Variants in ACE observed in about 807,000 individuals in gnomAD.
ACE encodes angiotensin I converting enzyme.
ACE carries 122 observed loss-of-function variants against 162.3 expected under a neutral mutation model. That is an observed-to-expected ratio of 0.75 (90% CI 0.65 to 0.87). The LOEUF is 0.87. ACE is among the 40% of genes least tolerant of loss of function. The probability of loss-of-function intolerance (pLI) is 0.00; values close to 1 mark genes in which losing one functional copy is unlikely to be tolerated. For synonymous variants in ACE, 796 were observed against 720.6 expected, an observed-to-expected ratio of 1.10 and a Z score of -1.68; for missense variants, 1,799 against 1,735.1, an observed-to-expected ratio of 1.04 and a Z score of -0.65.
chr17:63,491,079 C>T lies in ACE; in HGVS notation c.2739+28C>T, dbSNP rs55917033. 2 of 1,613,048 alleles carry T rather than the reference C, an allele frequency of 1.2e-6. No individual in the cohort carries two copies. Among genetic ancestry groups the T allele is most frequent in the East Asian group, 4.5e-5 (2 of 44,860 alleles). ...CCGCACCAGCCCAGGGGCAGGGAGG[C>T]CCCGCCGGGATGGGAGGGACCCTCT... On this transcript the variant is annotated intron_variant, in intron 18 of 24. Transcript: ENST00000290866. The surrounding 1 kb of genome is among the most constrained non-coding windows in gnomAD (Gnocchi z 4.4).
rs1042056760 is a variant in ACE, at chr17:63,497,288, C to T, written c.3843C>T (p.Phe1281=). The change falls in exon 25 of 25, where the codon TTC becomes TTT. Residue 1281 remains phenylalanine (F), a synonymous_variant. Coordinates refer to ENST00000290866, the MANE Select transcript of ACE (RefSeq NM_000789.4). The part of the protein sequence containing the change: ...VATLGLSQRL[F]SIRHRSLHRH... ...CCCTGGGCCTCAGCCAGCGGCTCTT[C>T]AGCATCCGCCACCGCAGCCTCCACC... 6.4e-7 allele frequency: 1 copy of T among 1,553,644 alleles called. No homozygotes were observed. Among genetic ancestry groups the T allele is most frequent in the Admixed American group, 1.9e-5 (1 of 51,550 alleles).
intron 17 of ACE, 178 bp from the exon 18 acceptor site, chr17:63,490,776 G>A: frequency 1.5e-6 from 1 of 661,842 alleles, no homozygotes. Flanking sequence ...ATGACCTACT[G>A]GGCTGGATAT....
At chr17:63,496,161 T>A in intron 22 of ACE, 2 of 575,072 alleles carry the variant, frequency 3.5e-6, no homozygotes, top group Non-Finnish European at 6.2e-6. Flanking sequence ...TGGAGGCAGC[T>A]CTGTGGGTGG....
Position 63,484,728 on chromosome 17 carries a change from T to A in ACE, c.1921+187T>A, listed in dbSNP as rs552796783. ...GGACAGGCATGTCTTTCCCCCAGCA[T>A]CCTAGAGAGGGTGTGCTCAGACCTG... On this transcript the variant is annotated intron_variant, in intron 12 of 24. Transcript: ENST00000290866. This position sits in a 1 kb window ranked among gnomAD's most constrained non-coding sequence, Gnocchi z 4.0. The A allele has an allele frequency of 2.1e-5, 31 of 1,456,018 alleles. No homozygotes were observed. In the South Asian group the frequency reaches 4.0e-4, roughly 19 times the overall value. The allele number at this position is 1,456,018 out of a possible 1,614,324, so 90.2% of individuals were successfully genotyped here. A position where few individuals can be genotyped will look rare whatever the true frequency, so the allele number is the denominator to read the frequency against.
chr17:63,481,441 A>C, intron 6 of ACE, 125 bp from the exon 7 acceptor site: 2 of 1,089,114 alleles, frequency 1.8e-6, no homozygotes, highest in Non-Finnish European at 2.7e-6. Flanking sequence ...TGCCTCTGGG[A>C]ATGGTGGCCA....
intron 19 of ACE, among the ~76,000 whole-genome samples, chr17:63,493,088 G>A (rs917397839): frequency 2.6e-4 from 40 of 152,186 alleles, no homozygotes; most frequent in Non-Finnish European, 5.6e-4. Flanking sequence ...ATGTGTACAT[G>A]GGAACCCACT....
intron 7 of ACE, 42 bp downstream of exon 7, chr17:63,481,780 T>TG: frequency 1.9e-6 from 3 of 1,612,934 alleles, no homozygotes; most frequent in Non-Finnish European, 2.5e-6. Flanking sequence ...TCCCCGGTTC[T>TG]GGGGCCCGGG....
intron 8 of ACE, 57 bp downstream of exon 8, chr17:63,482,746 C>T (rs2147533974): frequency 6.5e-7 from 1 of 1,547,522 alleles, no homozygotes; most frequent in East Asian, 2.3e-5. Context: ...CTCCACCCCA[C>T]AGCAGGACCT....
intron 19 of ACE, among the ~76,000 whole-genome samples, chr17:63,492,348 G>T (rs1477724586): frequency 1.3e-5 from 2 of 152,342 alleles, no homozygotes; most frequent in Admixed American, 6.5e-5. Flanking sequence ...AGAGAAAAAA[G>T]TCCCTCCCAC....
chr17:63,481,563 C>A lies in ACE; in HGVS notation c.946-3C>A, dbSNP rs756907896. 2.5e-6 allele frequency: 4 copies of A among 1,613,670 alleles called. No individual in the cohort carries two copies. The East Asian group carries it at 8.9e-5, about 36-fold the overall frequency. On this transcript the variant is annotated splice_region_variant and splice_polypyrimidine_tract_variant and intron_variant, in intron 6 of 24. Transcript: ENST00000290866. ...CTGACCTGGCTCCACACCCCTCCTC[C>A]AGGGCTGGAACGCCACGCACATGTT... is the stretch of plus-strand genomic sequence containing the variant.
chr17:63,485,771 T>TAAAA, intron 13 of ACE: 3 of 70,174 alleles, frequency 4.3e-5, no homozygotes, highest in South Asian at 6.6e-4. Context: ...CGAGACTCCA[T>TAAAA]CAAAAAAAAA....
rs1254075799 is a variant in ACE, at chr17:63,483,978, G to A, written c.1709+7G>A. The A allele has an allele frequency of 6.2e-7, 1 of 1,612,294 alleles. No homozygotes were observed. Among genetic ancestry groups the A allele is most frequent in the African/African-American group, 1.3e-5 (1 of 74,896 alleles). ...AGGCAGGGGCCAAGCTCCGGTGTGT[G>A]GTGGGAAGCCGGGGGAAGTGGGAGG... On this transcript the variant is annotated splice_region_variant and intron_variant, in intron 11 of 24. Coordinates refer to ENST00000290866, the MANE Select transcript of ACE (RefSeq NM_000789.4).
At chr17:63,479,974 G>C in intron 4 of ACE, 62 bp downstream of exon 4, 1 of 1,557,202 alleles carries the variant, frequency 6.4e-7, no homozygotes, top group Non-Finnish European at 8.6e-7. Flanking sequence ...TGTCTCCCCA[G>C]AGTCCCAGCC....
rs1599143619 is a variant in ACE, at chr17:63,484,703, G to A, written c.1921+162G>A. 2.1e-6 allele frequency: 3 copies of A among 1,448,914 alleles called. No homozygotes were observed. Among genetic ancestry groups the A allele is most frequent in the Non-Finnish European group, 2.7e-6 (3 of 1,102,472 alleles). 89.8% of individuals were successfully genotyped at this position (1,448,914 alleles called of 1,614,324 possible). A position where few individuals can be genotyped will look rare whatever the true frequency, so the allele number is the denominator to read the frequency against. On this transcript the variant is annotated intron_variant, in intron 12 of 24. Coordinates refer to ENST00000290866, the MANE Select transcript of ACE (RefSeq NM_000789.4). The surrounding 1 kb of genome is among the most constrained non-coding windows in gnomAD (Gnocchi z 4.0). ...GCTCATCAGCAGGGCCTGCGAGTGG[G>A]GACAGGCATGTCTTTCCCCCAGCAT...
chr17:63,477,272 G>T lies in ACE; in HGVS notation c.178G>T (p.Val60Leu), dbSNP rs1400442990. 2 of 1,486,090 alleles carry T rather than the reference G, an allele frequency of 1.3e-6. No homozygotes were observed. Among genetic ancestry groups the T allele is most frequent in the Non-Finnish European group, 1.8e-6 (2 of 1,117,864 alleles). 92.1% of individuals were successfully genotyped at this position (1,486,090 alleles called of 1,614,324 possible). Residue 60 changes from valine (V) to leucine (L), a missense_variant, in exon 1 of 25, where the codon GTG becomes TTG. Coordinates refer to ENST00000290866, the MANE Select transcript of ACE (RefSeq NM_000789.4). Reference sequence around the variant, plus strand: ...GAGCTACAACTCCAGCGCCGAACAGGTGCTGTTCCAGAGCGTGGCCGCCAG... The same window carrying T: ...GAGCTACAACTCCAGCGCCGAACAGTTGCTGTTCCAGAGCGTGGCCGCCAG... ...AQSYNSSAEQVLFQSVAASWA... is the reference protein window; with the variant it reads ...AQSYNSSAEQLLFQSVAASWA...
At chr17:63,477,700 C>T (rs2049641395) in intron 1 of ACE, 2 of 586,798 alleles carry the variant, frequency 3.4e-6, no homozygotes, top group South Asian at 4.0e-5. Flanking sequence ...CTCCACTCGC[C>T]CGGCCTCTTT....
rs12720734 is a variant in ACE at position 63,480,328 on chromosome 17, C to T, written c.656-9C>T. The T allele has an allele frequency of 1.4e-3, 2,237 of 1,613,544 alleles. 34 individuals are homozygous for T. The African/African-American group carries it at 0.026, about 18-fold the overall frequency. On this transcript the variant is annotated splice_polypyrimidine_tract_variant and intron_variant, in intron 4 of 24. Transcript: ENST00000290866. The stretch of plus-strand genomic sequence containing the variant: ...GCCTGAGCTACATACCTCACCCCCA[C>T]GCCCCCAGGCTTCACAGACACGGGG...
intron 3 of ACE, 103 bp from the exon 4 acceptor site, chr17:63,479,666 G>A (rs1568036159): frequency 1.3e-6 from 2 of 1,500,618 alleles, no homozygotes; most frequent in African/African-American, 1.4e-5. Flanking sequence ...GTGATGTTCA[G>A]GAAGCTGGTG....
chr17:63,483,384 A>C, intron 9 of ACE, 76 bp from the exon 10 acceptor site: 1 of 1,493,722 alleles, frequency 6.7e-7, no homozygotes, highest in Non-Finnish European at 9.3e-7. Flanking sequence ...CCGGGTGGAA[A>C]TGCCTTTTCT....
Sources: allele counts gnomAD v4.1 joint callset (sites outside exome capture counted in the v4.1 genomes callset), GRCh38; gene constraint gnomAD v4.1.1; non-coding constraint Gnocchi (gnomAD v3.1); transcripts MANE v1.5; gene names NCBI Gene and HGNC (gene_info 2026-07-23, HGNC 2026-07-21).